Variants in SOX5 observed in about 807,000 individuals in gnomAD.
SOX5 encodes SRY-box transcription factor 5.
In SOX5, 9 loss-of-function variants were observed where a neutral mutation model predicts 92.0. The ratio of observed to expected loss-of-function variants is 0.10; its 90% CI spans 0.06 to 0.17. SOX5 has a LOEUF of 0.17. Among genes scored for constraint, SOX5 ranks in the 10% least tolerant of loss-of-function variants. SOX5 has a pLI of 1.00. For synonymous variants in SOX5, 344 were observed against 336.3 expected, an observed-to-expected ratio of 1.02 and a Z score of -0.25; for missense variants, 642 against 944.5, an observed-to-expected ratio of 0.68 and a Z score of 4.20.
rs114324728 is a variant in SOX5 at position 24,426,071 on chromosome 12, G to A, written c.-250-57432C>T. On this transcript the variant is annotated intron_variant, in intron 1 of 4. Transcript: ENST00000446891. ...CATTATAGACAAGGCACAGTGGCTC[G>A]TGCCTGTAATCCCAGCACTTTGGGA... Among the ~76,000 whole-genome samples, 1,263 of 152,056 alleles carry A rather than the reference G, an allele frequency of 8.3e-3. 18 individuals carry two copies. The highest frequency in any genetic ancestry group is 0.029 in the African/African-American group (1,191 of 41,502).
intron 1 of SOX5, among the ~76,000 whole-genome samples, chr12:24,474,807 A>T (rs1945187276): frequency 6.6e-6 from 1 of 151,612 alleles, no homozygotes; most frequent in Admixed American, 6.6e-5. Context: ...AAGTGCTAGG[A>T]TTACAGGCAT....
chr12:23,677,588 A>C (rs1197813384), intron 6 of SOX5, among the ~76,000 whole-genome samples: 1 of 152,086 alleles, frequency 6.6e-6, no homozygotes, highest in African/African-American at 2.4e-5. Context: ...GCAAAACAAA[A>C]CCTTTTTATT....
intron 3 of SOX5, among the ~76,000 whole-genome samples, chr12:23,818,893 C>T (rs1470401002): frequency 1.3e-5 from 2 of 152,142 alleles, no homozygotes; most frequent in Non-Finnish European, 2.9e-5. Flanking sequence ...TCTGCCACCT[C>T]AGCATCTTAT....
chr12:23,983,553 T>G (rs1592063313), intron 4 of SOX5, among the ~76,000 whole-genome samples: 1 of 152,198 alleles, frequency 6.6e-6, no homozygotes. Context: ...AGCTGGAAAC[T>G]TCCTTCCTAT....
rs1939654647 is a variant in SOX5 at position 23,534,100 on chromosome 12, A to T, written c.*119T>A. 1.2e-6 allele frequency: 1 copy of T among 841,122 alleles called. No homozygotes were observed. The highest frequency in any genetic ancestry group is 1.7e-5 in the African/African-American group (1 of 58,864). The allele number at this position is 841,122 out of a possible 1,614,324, so 52.1% of individuals were successfully genotyped here. ...AGTCAGCTGATGTCCCAACTATTTA[A>T]GACTAACAGTTAAAGTAACAGTCAG... On this transcript the variant is annotated 3_prime_UTR_variant, in exon 15 of 15. Transcript: ENST00000451604.
intron 3 of SOX5, among the ~76,000 whole-genome samples, chr12:23,796,871 T>C (rs945604560): frequency 1.1e-4 from 15 of 142,442 alleles, no homozygotes; most frequent in Non-Finnish European, 1.2e-4. Flanking sequence ...ATTTATAAAT[T>C]TATATATAAA....
upstream of SOX5, among the ~76,000 whole-genome samples, chr12:23,950,559 A>G (rs575674895): frequency 5.6e-4 from 85 of 152,298 alleles, no homozygotes; most frequent in South Asian, 0.011. Context: ...CAAAAACCCA[A>G]AACGAAATCA....
At chr12:23,681,182 A>C (rs2086566616) in intron 6 of SOX5, among the ~76,000 whole-genome samples, 1 of 152,072 alleles carries the variant, frequency 6.6e-6, no homozygotes. Flanking sequence ...TTTAAAACTC[A>C]GGAGGAGCAA....
chr12:24,422,293 T>C (rs1966044138), intron 1 of SOX5, among the ~76,000 whole-genome samples: 1 of 152,216 alleles, frequency 6.6e-6, no homozygotes, highest in Admixed American at 6.5e-5. Flanking sequence ...CAATATCTGC[T>C]TCTCTTCTAC....
At chr12:24,361,544 A>G (rs1244900436) in intron 2 of SOX5, among the ~76,000 whole-genome samples, 1 of 152,060 alleles carries the variant, frequency 6.6e-6, no homozygotes, top group South Asian at 2.1e-4. Flanking sequence ...TCAGTAAATG[A>G]CAGGTACTCT....
At chr12:23,913,383 C>G (rs1369048189) in intron 1 of SOX5, among the ~76,000 whole-genome samples, 1 of 150,360 alleles carries the variant, frequency 6.7e-6, no homozygotes, top group South Asian at 2.1e-4. Flanking sequence ...CTCCTTTTCT[C>G]TTTGCCACAT....
chr12:24,033,886 G>T (rs144954801), intron 4 of SOX5, among the ~76,000 whole-genome samples: 46 of 152,028 alleles, frequency 3.0e-4, no homozygotes, highest in African/African-American at 1.1e-3. Context: ...CCACAATATA[G>T]TTCCCTTTTT....
chr12:24,041,937 C>T (rs1956567408), intron 4 of SOX5, among the ~76,000 whole-genome samples: 1 of 151,960 alleles, frequency 6.6e-6, no homozygotes, highest in Admixed American at 6.6e-5. Flanking sequence ...TAAAAATAAA[C>T]ATTATGTGCT....
intron 2 of SOX5, among the ~76,000 whole-genome samples, chr12:24,314,336 A>C (rs117904678): frequency 0.012 from 1,714 of 145,128 alleles, 13 homozygotes; most frequent in Middle Eastern, 0.031. Flanking sequence ...CCACACAGGA[A>C]GGGGAACATC....
chr12:23,582,820 G>A (rs1046015572), intron 9 of SOX5, among the ~76,000 whole-genome samples: 2 of 151,872 alleles, frequency 1.3e-5, no homozygotes, highest in African/African-American at 4.8e-5. Flanking sequence ...GTGTGGTTGG[G>A]GACATGTTCT....
chr12:23,883,709 A>G (rs1306097787), intron 2 of SOX5, among the ~76,000 whole-genome samples: 1 of 151,682 alleles, frequency 6.6e-6, no homozygotes, highest in African/African-American at 2.4e-5. Context: ...ATACTGCTTC[A>G]TTATATATCT....
chr12:24,517,496 C>T (rs943089878), intron 1 of SOX5, among the ~76,000 whole-genome samples: 3 of 152,032 alleles, frequency 2.0e-5, no homozygotes, highest in Non-Finnish European at 4.4e-5. Flanking sequence ...AAGTTATATA[C>T]AATCATTGTA....
chr12:24,377,310 AC>A (rs1020179116), intron 1 of SOX5, among the ~76,000 whole-genome samples: 12 of 152,224 alleles, frequency 7.9e-5, no homozygotes, highest in Non-Finnish European at 1.5e-4. Context: ...TCAAGTTCAC[AC>A]AGCTAGAAAG....
At chr12:24,509,876 C>A (rs1264211599) in intron 1 of SOX5, among the ~76,000 whole-genome samples, 1 of 152,180 alleles carries the variant, frequency 6.6e-6, no homozygotes, top group East Asian at 1.9e-4. Context: ...CAGTTTAACA[C>A]TGGAACCAGA....
Sources: gnomAD v4.1 joint callset for allele counts (sites outside exome capture counted in the v4.1 genomes callset) on GRCh38, gnomAD v4.1.1 for gene constraint, MANE v1.5 for transcripts, NCBI Gene and HGNC (gene_info 2026-07-23, HGNC 2026-07-21) for gene names.